The following ABI2 variants were observed in gnomAD, a reference collection of about 807,000 sequenced individuals.
ABI2 encodes abl interactor 2.
ABI2 carries 25 observed loss-of-function variants against 59.2 expected under a neutral mutation model. The observed-to-expected ratio is 0.42, with a 90% CI of 0.31 to 0.59. The LOEUF (loss-of-function observed/expected upper bound fraction) is 0.59, where lower values mean the gene tolerates loss of function less well. Among genes scored for constraint, ABI2 ranks in the 20% least tolerant of loss-of-function variants. The pLI, the probability that ABI2 is intolerant of heterozygous loss-of-function variation, is 0.14. For synonymous variants in ABI2, 213 were observed against 235.5 expected, an observed-to-expected ratio of 0.90 and a Z score of 0.87; for missense variants, 545 against 681.8, an observed-to-expected ratio of 0.80 and a Z score of 2.23.
intron 1 of ABI2, among the ~76,000 whole-genome samples, chr2:203,347,768 A>G (rs4675334): frequency 0.74 from 112,128 of 152,094 alleles, 42,464 homozygotes; most frequent in Middle Eastern, 0.87. Context: ...GTGCTTGTTT[A>G]GTTATTGGGT....
intron 1 of ABI2, among the ~76,000 whole-genome samples, chr2:203,354,729 G>A (rs1325800342): frequency 6.6e-6 from 1 of 152,182 alleles, no homozygotes. Context: ...GGTGATACTT[G>A]TATATGCAAG....
chr2:203,361,645 G>T (rs561777698), intron 1 of ABI2, among the ~76,000 whole-genome samples: 1 of 152,282 alleles, frequency 6.6e-6, no homozygotes, highest in East Asian at 1.9e-4. Context: ...CTGTTGTGTT[G>T]CATGGCAATA....
At chr2:203,412,312 C>A (rs542328498) in intron 10 of ABI2, among the ~76,000 whole-genome samples, 3 of 152,256 alleles carry the variant, frequency 2.0e-5, no homozygotes, top group East Asian at 3.9e-4. Flanking sequence ...GGAAAAGCAT[C>A]TGACACATAG....
intron 1 of ABI2, among the ~76,000 whole-genome samples, chr2:203,350,133 G>A (rs1242809413): frequency 5.9e-5 from 9 of 152,318 alleles, no homozygotes; most frequent in Non-Finnish European, 1.2e-4. Context: ...CGGGAGTGCA[G>A]TGGTGCTATC....
chr2:203,392,779 A>G (rs2096816563), intron 5 of ABI2, among the ~76,000 whole-genome samples: 2 of 152,332 alleles, frequency 1.3e-5, no homozygotes, highest in South Asian at 2.1e-4. Flanking sequence ...TAGAAGAATG[A>G]AACTTTGTGT....
rs532802392 is a variant in ABI2 at position 203,417,222 on chromosome 2, G to A, written c.1453+141G>A. The A allele has an allele frequency of 1.1e-4, 83 of 758,246 alleles. No individual in the cohort carries two copies. In the African/African-American group the frequency reaches 1.4e-3, roughly 13 times the overall value. The allele number at this position is 758,246 out of a possible 1,614,324, so 47.0% of individuals were successfully genotyped here. On this transcript the variant is annotated intron_variant, in intron 11 of 11. Transcript: ENST00000261018. ...TGTGCATTTTTACTGAGTTTACAAG[G>A]TTCATGATTTTGAAAGTTACACTAG...
In ABI2 at chr2:203,368,991, T is replaced by A. The variant is rs1332152480; in HGVS notation, c.285+1947T>A. 5.2e-5 allele frequency among the ~76,000 whole-genome samples: 6 copies of A among 115,914 alleles called. 1 individual carries two copies. Among genetic ancestry groups the A allele is most frequent in the African/African-American group, 6.7e-5 (2 of 29,838 alleles). 76.0% of individuals were successfully genotyped at this position (115,914 alleles called of 152,430 possible). On this transcript the variant is annotated intron_variant, in intron 2 of 11. Transcript: ENST00000261018. The stretch of plus-strand genomic sequence containing the variant: ...ACGTGCCATGCTTGGCTGATTTTTT[T>A]TTTTTTTTTTTTTTTTTTTTTTTTT...
At chr2:203,373,721 T>G (rs2153102369) in intron 2 of ABI2, among the ~76,000 whole-genome samples, 1 of 152,330 alleles carries the variant, frequency 6.6e-6, no homozygotes, top group Admixed American at 6.5e-5. Context: ...GGGCCAGGTG[T>G]TAAATTAGTT....
chr2:203,367,871 G>T (rs1481159007), intron 2 of ABI2, among the ~76,000 whole-genome samples: 1 of 151,982 alleles, frequency 6.6e-6, no homozygotes, highest in East Asian at 1.9e-4. Flanking sequence ...AGGTTTGGTG[G>T]TGCACGCCTG....
Position 203,411,304 on chromosome 2 carries a change from T to A in ABI2, c.1212T>A (p.Pro404=). Residue 404 remains proline, a synonymous_variant, in exon 10 of 12, where the codon CCT becomes CCA. Transcript: ENST00000261018. ...TTGCAGTATCTCTTGCTCCTCCTCC[T>A]CCCTCCATCCTACAGGTAACTCCTC... ...SQNPVSLAPP[P]PSILQVTPQL... is the part of the protein sequence containing the mutation. 6.2e-7 allele frequency: 1 copy of A among 1,613,730 alleles called. No individual in the cohort carries two copies. Among genetic ancestry groups the A allele is most frequent in the South Asian group, 1.1e-5 (1 of 91,074 alleles).
chr2:203,413,278 A>T (rs2097755462), intron 10 of ABI2, among the ~76,000 whole-genome samples: 1 of 152,204 alleles, frequency 6.6e-6, no homozygotes, highest in Non-Finnish European at 1.5e-5. Flanking sequence ...ATGAGACTTG[A>T]AAGTTGAATA....
At chr2:203,329,776 G>A (rs568997925) in intron 1 of ABI2, among the ~76,000 whole-genome samples, 1 of 150,940 alleles carries the variant, frequency 6.6e-6, no homozygotes, top group African/African-American at 2.4e-5. Flanking sequence ...TCGTTCTGTA[G>A]TCCAGGTTGG....
At chr2:203,410,722 A>G (rs2097634304) in intron 9 of ABI2, among the ~76,000 whole-genome samples, 1 of 152,220 alleles carries the variant, frequency 6.6e-6, no homozygotes. Flanking sequence ...GTATGAAGTC[A>G]GTAAGTATTT....
In ABI2 at chr2:203,427,411, A is replaced by G; in HGVS notation, c.*59A>G. 6.8e-7 allele frequency: 1 copy of G among 1,464,874 alleles called. No individual in the cohort carries two copies. Among genetic ancestry groups the G allele is most frequent in the Non-Finnish European group, 9.4e-7 (1 of 1,069,120 alleles). The allele number at this position is 1,464,874 out of a possible 1,614,324, so 90.7% of individuals were successfully genotyped here. A position where few individuals can be genotyped will look rare whatever the true frequency, so the allele number is the denominator to read the frequency against. On this transcript the variant is annotated 3_prime_UTR_variant, in exon 12 of 12. Transcript: ENST00000261018. ...AGTCAGGTCTTCCCAGATTATCTGA[A>G]GGCCCTGGGGATTCCACTCCAGTAA...
chr2:203,391,082 C>T lies in ABI2; in HGVS notation c.517C>T (p.Arg173Cys), dbSNP rs1165491135. 7 of 1,613,944 alleles carry T rather than the reference C, an allele frequency of 4.3e-6. No individual in the cohort carries two copies. Among genetic ancestry groups the T allele is most frequent in the Non-Finnish European group, 5.1e-6 (6 of 1,179,946 alleles). The change falls in exon 5 of 12, where the codon CGT (arginine) becomes TGT (cysteine). Residue 173 changes from arginine to cysteine, a missense_variant. By Grantham distance (180) the Arg-to-Cys change is radical (BLOSUM62 -3). Around this residue, in one of 4 missense-constraint regions of ABI2, gnomAD observed 410 missense variants for 435.6 expected, o/e 0.94. Transcript: ENST00000261018. ...TQNMKMGGLP[R>C]TTPPTQKPPS... is the part of the protein sequence containing the mutation. ...GAACATGAAGATGGGTGGGCTGCCGCGTACAACACCTCCAACTCAGAAGCC... is the reference window on the plus strand; with the variant it reads ...GAACATGAAGATGGGTGGGCTGCCGTGTACAACACCTCCAACTCAGAAGCC...
At chr2:203,368,819 T>A (rs1394024486) in intron 2 of ABI2, among the ~76,000 whole-genome samples, 2 of 138,266 alleles carry the variant, frequency 1.4e-5, no homozygotes, top group African/African-American at 5.3e-5. Flanking sequence ...AATAGATGAA[T>A]TTTTTTTTTT....
intron 9 of ABI2, among the ~76,000 whole-genome samples, chr2:203,410,043 T>C (rs939135259): frequency 2.6e-5 from 4 of 152,202 alleles, no homozygotes; most frequent in Non-Finnish European, 5.9e-5. Context: ...GAACTGGTTA[T>C]GCTGTTTTAT....
intron 2 of ABI2, among the ~76,000 whole-genome samples, chr2:203,368,353 GATT>G (rs2094697968): frequency 1.3e-5 from 2 of 152,010 alleles, no homozygotes; most frequent in South Asian, 4.2e-4. Context: ...TCATTTGAAT[GATT>G]ATTATTCAAC....
intron 8 of ABI2, among the ~76,000 whole-genome samples, chr2:203,402,179 C>T (rs184733398): frequency 5.1e-4 from 77 of 151,932 alleles, no homozygotes; most frequent in African/African-American, 1.7e-3. Context: ...GAATTACAGG[C>T]GCACGCCACC....
Sources: allele counts gnomAD v4.1 joint callset (sites outside exome capture counted in the v4.1 genomes callset), GRCh38; gene constraint gnomAD v4.1.1; regional missense constraint gnomAD v4.1.1; transcripts MANE v1.5; gene names NCBI Gene and HGNC (gene_info 2026-07-23, HGNC 2026-07-21).